SLC25A15: variants seen among roughly 807,000 people sequenced by gnomAD.
SLC25A15 encodes solute carrier family 25 member 15.
A neutral mutation model predicts 32.3 loss-of-function variants in SLC25A15; 24 were observed. The observed-to-expected ratio is 0.74, with a 90% CI of 0.54 to 1.04. The LOEUF (loss-of-function observed/expected upper bound fraction) is 1.04, where lower values mean the gene tolerates loss of function less well. Ranked by LOEUF, SLC25A15 falls within the 50% of genes least tolerant of loss-of-function variation. SLC25A15 has a pLI of 0.00. For synonymous variants in SLC25A15, 132 were observed against 142.1 expected, an observed-to-expected ratio of 0.93 and a Z score of 0.51; for missense variants, 317 against 374.5, an observed-to-expected ratio of 0.85 and a Z score of 1.27.
chr13:40,796,760 T>A (rs1881681442), intron 2 of SLC25A15, among the ~76,000 whole-genome samples: 1 of 152,126 alleles, frequency 6.6e-6, no homozygotes, highest in Non-Finnish European at 1.5e-5. Context: ...TTCAGAGCTG[T>A]CCCTTCCCTG....
chr13:40,808,496 A>G lies in SLC25A15; in HGVS notation c.681A>G (p.Val227=), dbSNP rs767671614. The change falls in exon 6 of 7, where the codon GTA becomes GTG. Residue 227 remains valine, a synonymous_variant. Coordinates refer to ENST00000338625, the MANE Select transcript of SLC25A15 (RefSeq NM_014252.4). ...GVGGICLWLA[V]YPVDCIKSRI... ...GTGGGATTTGCCTCTGGCTTGCGGT[A>G]TACCCAGTGGATTGTATCAAATCCA... is the stretch of plus-strand genomic sequence containing the variant. 7 of 1,613,362 alleles carry G rather than the reference A, an allele frequency of 4.3e-6. No homozygotes were observed. Among genetic ancestry groups the G allele is most frequent in the Non-Finnish European group, 5.9e-6 (7 of 1,179,884 alleles).
intron 2 of SLC25A15, among the ~76,000 whole-genome samples, chr13:40,795,550 TCCC>T (rs1239592571): frequency 6.6e-6 from 1 of 152,104 alleles, no homozygotes; most frequent in African/African-American, 2.4e-5. Flanking sequence ...GACAGGTATT[TCCC>T]CCTGTGCTGG....
At chr13:40,791,905 A>C (rs1173822525) in intron 1 of SLC25A15, among the ~76,000 whole-genome samples, 1 of 152,170 alleles carries the variant, frequency 6.6e-6, no homozygotes, top group Admixed American at 6.5e-5. Flanking sequence ...CTCCACGGCC[A>C]ATGTTTCCTG....
At chr13:40,790,673 C>T (rs1048842196) in intron 1 of SLC25A15, among the ~76,000 whole-genome samples, 2 of 152,166 alleles carry the variant, frequency 1.3e-5, no homozygotes, top group Non-Finnish European at 2.9e-5. Flanking sequence ...CCGCAACCTC[C>T]GCCTCCTGGG....
At chr13:40,799,341 T>A in intron 3 of SLC25A15, 26 bp downstream of exon 3, 1 of 1,614,038 alleles carries the variant, frequency 6.2e-7, no homozygotes, top group Middle Eastern at 1.6e-4. Context: ...ACACTTTTTT[T>A]ATTTGTTTAA....
At chr13:40,792,362 G>A (rs1467153745) in intron 1 of SLC25A15, among the ~76,000 whole-genome samples, 1 of 152,212 alleles carries the variant, frequency 6.6e-6, no homozygotes, top group Non-Finnish European at 1.5e-5. Flanking sequence ...AGAACAGGCA[G>A]AACCTCTGGT....
rs57687350 is a variant in SLC25A15, at chr13:40,798,821, CAT to C, written c.56-235_56-234del. 0.025 allele frequency: 24,734 copies of C among 985,300 alleles called. 1,476 individuals carry two copies. The highest frequency in any genetic ancestry group is 0.21 in the African/African-American group (12,181 of 57,282). 61.0% of individuals were successfully genotyped at this position (985,300 alleles called of 1,614,324 possible). A position where few individuals can be genotyped will look rare whatever the true frequency, so the allele number is the denominator to read the frequency against. ...CTGCACTGTTTGCCGCTGTTGAACA[CAT>C]GTCTGTCTCTCTCCCCTGCCTGGCA... On this transcript the variant is annotated intron_variant, in intron 2 of 6. Coordinates refer to ENST00000338625, the MANE Select transcript of SLC25A15 (RefSeq NM_014252.4).
intron 2 of SLC25A15, 90 bp from the exon 3 acceptor site, chr13:40,798,967 G>T: frequency 1.9e-6 from 3 of 1,611,368 alleles, no homozygotes; most frequent in Non-Finnish European, 2.5e-6. Context: ...CGAAGCAGGG[G>T]TAAGTTCTGG....
At position 40,807,393 on chromosome 13, in the gene SLC25A15, TTTC is replaced by T. The variant is rs202247803; in HGVS notation, c.562_564del (p.Phe188del). Reference sequence around the variant, plus strand: ...CTTTACTTCGAGAAGTACCAGGCTATTTCTTCTTCTTCGGTGGCTATGAACTGA... The same window carrying T: ...CTTTACTTCGAGAAGTACCAGGCTATTTCTTCTTCGGTGGCTATGAACTGA... On this transcript the variant is annotated inframe_deletion, in exon 5 of 7. Transcript: ENST00000338625. 3.8e-5 allele frequency: 62 copies of T among 1,614,096 alleles called. No individual in the cohort carries two copies. The highest frequency in any genetic ancestry group is 1.6e-4 in the Middle Eastern group (1 of 6,084).
chr13:40,802,905 A>C (rs949049334), intron 3 of SLC25A15, among the ~76,000 whole-genome samples: 3 of 151,982 alleles, frequency 2.0e-5, no homozygotes, highest in Non-Finnish European at 4.4e-5. Context: ...TTGGAGAAAA[A>C]TTGTTAGGGG....
Position 40,795,985 on chromosome 13 carries a change from C to T in SLC25A15, c.55+2704C>T, listed in dbSNP as rs1488216226. ...GTCTCTGCTTTAGTACTCCGTAATG[C>T]ATCTGCAGCACACTGGAGGGGAGGG... On this transcript the variant is annotated intron_variant, in intron 2 of 6. Transcript: ENST00000338625. Among the ~76,000 whole-genome samples, 3 of 152,176 alleles carry T rather than the reference C, an allele frequency of 2.0e-5. No individual in the cohort carries two copies. In the East Asian group the frequency reaches 5.8e-4, roughly 29 times the overall value.
At position 40,799,135 on chromosome 13, in the gene SLC25A15, G is replaced by A. The variant is rs201647638; in HGVS notation, c.134G>A (p.Arg45Gln). The stretch of plus-strand genomic sequence containing the variant: ...ATGCAGACGTTCCCTGACCTGTACC[G>A]GGGCCTCACCGACTGCTGCCTGAAG... ...VKMQTFPDLY[R>Q]GLTDCCLKTY... Residue 45 changes from arginine to glutamine, a missense_variant, in exon 3 of 7, where the codon CGG becomes CAG. Transcript: ENST00000338625. 1.4e-5 allele frequency: 22 copies of A among 1,614,060 alleles called. No individual in the cohort carries two copies. The highest frequency in any genetic ancestry group is 5.5e-5 in the South Asian group (5 of 91,092).
At chr13:40,793,833 G>A (rs978595155) in intron 2 of SLC25A15, among the ~76,000 whole-genome samples, 14 of 152,260 alleles carry the variant, frequency 9.2e-5, no homozygotes, top group Non-Finnish European at 1.6e-4. Flanking sequence ...AGGGTGATGG[G>A]TGGAAGGTGC....
In SLC25A15 at chr13:40,794,116, A is replaced by G. The variant is rs553819857; in HGVS notation, c.55+835A>G. Among the ~76,000 whole-genome samples the G allele has an allele frequency of 1.1e-4, 16 of 152,314 alleles. No homozygotes were observed. The East Asian group carries it at 2.3e-3, about 22-fold the overall frequency. ...AGCACTTTAGGAGGCCAAGGCGGGC[A>G]GATCACCTGAGGTGAGGAGTTCAAG... On this transcript the variant is annotated intron_variant, in intron 2 of 6. Transcript: ENST00000338625.
intron 2 of SLC25A15, among the ~76,000 whole-genome samples, chr13:40,795,739 G>C (rs17630598): frequency 0.024 from 3,590 of 152,258 alleles, 184 homozygotes; most frequent in East Asian, 0.15. Context: ...CTGTTCTGCT[G>C]TGAGGCCTAT....
rs1881859686 is a variant in SLC25A15 at position 40,800,942 on chromosome 13, G to A, written c.314+1627G>A. On this transcript the variant is annotated intron_variant, in intron 3 of 6. Coordinates refer to ENST00000338625, the MANE Select transcript of SLC25A15 (RefSeq NM_014252.4). Reference sequence around the variant, plus strand: ...TGTATGTGTTATTTAGTTCATTAAAGATGCGTAAGGCTGGGCACAGTGGCT... The same window carrying A: ...TGTATGTGTTATTTAGTTCATTAAAAATGCGTAAGGCTGGGCACAGTGGCT... Among the ~76,000 whole-genome samples the A allele has an allele frequency of 2.0e-5, 3 of 152,144 alleles. No homozygotes were observed. In the South Asian group the frequency reaches 6.2e-4, roughly 32 times the overall value.
At position 40,810,020 on chromosome 13, in the gene SLC25A15, A is replaced by C; in HGVS notation, c.*353A>C. 1 of 320,156 alleles carries C rather than the reference A, an allele frequency of 3.1e-6. No individual in the cohort carries two copies. The highest frequency in any genetic ancestry group is 6.0e-6 in the Non-Finnish European group (1 of 166,340). 19.8% of individuals were successfully genotyped at this position (320,156 alleles called of 1,614,324 possible). On this transcript the variant is annotated 3_prime_UTR_variant, in exon 7 of 7. Coordinates refer to ENST00000338625, the MANE Select transcript of SLC25A15 (RefSeq NM_014252.4). ...TTTGGACAGTTATGTGTTGAGGGAA[A>C]TACAGTTTGGTACCTTGTTTATTTC...
rs772560557 is a variant in SLC25A15 at position 40,808,558 on chromosome 13, G to C, written c.743G>C (p.Gly248Ala). 10 of 1,609,428 alleles carry C rather than the reference G, an allele frequency of 6.2e-6. No homozygotes were observed. The South Asian group carries it at 9.9e-5, about 16-fold the overall frequency. Residue 248 changes from glycine (G) to alanine (A), a missense_variant, in exon 6 of 7, where the codon GGA becomes GCA. Physicochemically the swap from Gly to Ala is moderately conservative, Grantham distance 60. Transcript: ENST00000338625. ...CTTTCCATGTCTGGAAAACAGGCAG[G>C]ATTTATCAGAACCTTTATAAATGTT... ...QVLSMSGKQA[G>A]FIRTFINVVK...
intron 1 of SLC25A15, among the ~76,000 whole-genome samples, chr13:40,791,035 A>T (rs1260997270): frequency 6.6e-6 from 1 of 152,010 alleles, no homozygotes; most frequent in Non-Finnish European, 1.5e-5. Flanking sequence ...AGGTTTATCT[A>T]GGAGGCCACA....
Sources: allele counts gnomAD v4.1 joint callset (sites outside exome capture counted in the v4.1 genomes callset), GRCh38; gene constraint gnomAD v4.1.1; transcripts MANE v1.5; gene names NCBI Gene and HGNC (gene_info 2026-07-23, HGNC 2026-07-21).